Variants in AUTS2 observed in about 807,000 individuals in gnomAD.
The protein encoded by AUTS2 is autism susceptibility gene 2 protein.
In AUTS2, 17 loss-of-function variants were observed where a neutral mutation model predicts 112.4. The ratio of observed to expected loss-of-function variants is 0.15; its 90% confidence interval spans 0.10 to 0.23. The LOEUF is 0.23. Among genes scored for constraint, AUTS2 ranks in the 10% least tolerant of loss-of-function variants. AUTS2 has a pLI of 1.00. For synonymous variants in AUTS2, 751 were observed against 702.7 expected (o/e 1.07, Z -1.09); for missense variants, 1,510 against 1,701.6 (o/e 0.89, Z 1.98).
At chr7:70,491,625 A>AT (rs1206515975) in intron 5 of AUTS2, among the ~76,000 whole-genome samples, 2 of 105,018 alleles carry the variant, frequency 1.9e-5, no homozygotes, top group East Asian at 2.6e-4. Flanking sequence ...GTGTGTGTGT[A>AT]TTTTTTTGAG....
intron 1 of AUTS2, among the ~76,000 whole-genome samples, chr7:69,774,837 A>G (rs540368335): frequency 6.6e-6 from 1 of 150,614 alleles, no homozygotes; most frequent in Non-Finnish European, 1.5e-5. Context: ...GAGTCCAATA[A>G]TTTTTTTTTT....
chr7:70,574,916 A>C (rs1276662196), intron 5 of AUTS2, among the ~76,000 whole-genome samples: 3 of 152,200 alleles, frequency 2.0e-5, no homozygotes, highest in Non-Finnish European at 2.9e-5. Context: ...GATTAGATCA[A>C]GATAGGACAG....
At chr7:70,213,538 CAA>C (rs71077632) in intron 4 of AUTS2, among the ~76,000 whole-genome samples, 24 of 124,554 alleles carry the variant, frequency 1.9e-4, no homozygotes, top group Non-Finnish European at 1.7e-4. Flanking sequence ...GACCCTGTCT[CAA>C]AAAAAAAAAA....
chr7:70,176,238 A>G (rs1808980459), intron 4 of AUTS2, among the ~76,000 whole-genome samples: 1 of 152,206 alleles, frequency 6.6e-6, no homozygotes, highest in Non-Finnish European at 1.5e-5. Context: ...AGGAATTCAT[A>G]GTACGTACAA....
At chr7:70,396,603 C>G (rs1207540648) in intron 4 of AUTS2, among the ~76,000 whole-genome samples, 2 of 152,136 alleles carry the variant, frequency 1.3e-5, no homozygotes, top group Admixed American at 1.3e-4. Flanking sequence ...TCTCGAATTC[C>G]TGACTTCAAG....
At chr7:70,620,493 A>C (rs563032653) in intron 5 of AUTS2, among the ~76,000 whole-genome samples, 1 of 152,058 alleles carries the variant, frequency 6.6e-6, no homozygotes, top group Non-Finnish European at 1.5e-5. Context: ...TGTGGAAGGA[A>C]AGGGGTTGGT....
intron 4 of AUTS2, among the ~76,000 whole-genome samples, chr7:70,278,705 T>G (rs1788063282): frequency 6.6e-6 from 1 of 152,228 alleles, no homozygotes; most frequent in Non-Finnish European, 1.5e-5. Flanking sequence ...TATACCTGAA[T>G]GTTTATAATT....
intron 5 of AUTS2, among the ~76,000 whole-genome samples, chr7:70,630,685 C>T (rs1389289269): frequency 6.6e-6 from 1 of 152,204 alleles, no homozygotes; most frequent in East Asian, 1.9e-4. Flanking sequence ...TCATTGTTCT[C>T]GGAACTAGCT....
At chr7:69,909,759 G>A (rs562723931) in intron 2 of AUTS2, among the ~76,000 whole-genome samples, 9 of 152,062 alleles carry the variant, frequency 5.9e-5, no homozygotes, top group African/African-American at 2.2e-4. Flanking sequence ...CTATTCTTAG[G>A]ATTTAACAAT....
intron 1 of AUTS2, among the ~76,000 whole-genome samples, chr7:69,669,104 A>G (rs1279106311): frequency 2.6e-5 from 4 of 152,152 alleles, no homozygotes; most frequent in Non-Finnish European, 5.9e-5. Context: ...TGTTTTCTAC[A>G]TTCTGCTGTA....
rs773760057 is a variant in AUTS2, at chr7:70,765,018, G to A, written c.1468+13G>A. 1 of 1,613,460 alleles carries A rather than the reference G, an allele frequency of 6.2e-7. No individual in the cohort carries two copies. Among genetic ancestry groups the A allele is most frequent in the Non-Finnish European group, 8.5e-7 (1 of 1,179,872 alleles). ...AGCACTTACTCAGGTAGGACGGAGG[G>A]GCCTGTGCTCGTGACCCCGACCCCC... On this transcript the variant is annotated intron_variant, in intron 8 of 18. Coordinates refer to ENST00000342771, the MANE Select transcript of AUTS2 (RefSeq NM_015570.4).
intron 4 of AUTS2, among the ~76,000 whole-genome samples, chr7:70,148,748 G>C (rs892814412): frequency 3.3e-5 from 5 of 151,976 alleles, no homozygotes; most frequent in African/African-American, 1.2e-4. Context: ...AAAAAACGGT[G>C]TAAGTGACAG....
chr7:69,836,738 C>T (rs1791742438), intron 1 of AUTS2, among the ~76,000 whole-genome samples: 1 of 152,144 alleles, frequency 6.6e-6, no homozygotes, highest in Admixed American at 6.6e-5. Flanking sequence ...AACTCTGTTT[C>T]AGTCCACATA....
At chr7:70,781,848 G>C in intron 15 of AUTS2, 92 bp downstream of exon 15, 5 of 1,495,594 alleles carry the variant, frequency 3.3e-6, no homozygotes, top group Non-Finnish European at 4.5e-6. Context: ...CTGCCGCTCA[G>C]TCACCACCTA....
rs980234931 is a variant in AUTS2 at position 69,636,487 on chromosome 7, C to G, written c.309+36525C>G. 5.4e-4 allele frequency among the ~76,000 whole-genome samples: 46 copies of G among 85,382 alleles called. 14 individuals carry two copies. The highest frequency in any genetic ancestry group is 6.4e-4 in the Non-Finnish European group (23 of 36,194). 56.0% of individuals were successfully genotyped at this position (85,382 alleles called of 152,430 possible). ...TGACCTCAAGTGATCCGCGCCCCCC[C>G]CCCCCCTTGGCCTCCCAAAGTGCTA... On this transcript the variant is annotated intron_variant, in intron 1 of 18. Coordinates refer to ENST00000342771, the MANE Select transcript of AUTS2 (RefSeq NM_015570.4).
chr7:70,737,214 T>G (rs1787825887), intron 6 of AUTS2, among the ~76,000 whole-genome samples: 1 of 152,158 alleles, frequency 6.6e-6, no homozygotes, highest in South Asian at 2.1e-4. Flanking sequence ...TGATCCCAGG[T>G]GGGCTGGAGT....
chr7:70,514,842 A>T (rs1799350801), intron 5 of AUTS2, among the ~76,000 whole-genome samples: 14 of 152,224 alleles, frequency 9.2e-5, no homozygotes, highest in Admixed American at 9.2e-4. Flanking sequence ...CTCCTGTGTG[A>T]TAAATATAAA....
intron 2 of AUTS2, among the ~76,000 whole-genome samples, chr7:70,036,235 A>G (rs572867383): frequency 6.6e-6 from 1 of 152,322 alleles, no homozygotes; most frequent in African/African-American, 2.4e-5. Flanking sequence ...TAAGAGTGAG[A>G]CTGGAAATGC....
intron 15 of AUTS2, chr7:70,783,168 T>C (rs545643908): frequency 5.1e-4 from 78 of 152,320 alleles, no homozygotes; most frequent in African/African-American, 1.9e-3. Flanking sequence ...TTAATTAGCT[T>C]GCACTACACA....
Sources: gnomAD v4.1 joint callset for allele counts (sites outside exome capture counted in the v4.1 genomes callset) on GRCh38, gnomAD v4.1.1 for gene constraint, MANE v1.5 for transcripts, NCBI Gene and HGNC (gene_info 2026-07-23, HGNC 2026-07-21) for gene names.